AFF3: variants seen among roughly 807,000 people sequenced by gnomAD.
The protein encoded by AFF3 is AF4/FMR2 family member 3.
In AFF3, 32 loss-of-function variants were observed where a neutral mutation model predicts 129.7. The ratio of observed to expected loss-of-function variants is 0.25; its 90% CI spans 0.19 to 0.33. The LOEUF (loss-of-function observed/expected upper bound fraction) is 0.33, where lower values mean the gene tolerates loss of function less well. Among genes scored for constraint, AFF3 ranks in the 10% least tolerant of loss-of-function variants. The pLI is 1.00. For missense variants in AFF3, 1,373 were observed against 1,592.0 expected, an observed-to-expected ratio of 0.86 and a Z score of 2.34; for synonymous variants, 644 against 635.4, an observed-to-expected ratio of 1.01 and a Z score of -0.20.
intron 7 of AFF3, among the ~76,000 whole-genome samples, chr2:99,847,725 G>A (rs6756248): frequency 0.093 from 14,173 of 151,806 alleles, 802 homozygotes; most frequent in Middle Eastern, 0.17. Context: ...GCTTCAGAAC[G>A]TCTCAGCAGT....
intron 7 of AFF3, among the ~76,000 whole-genome samples, chr2:99,906,835 T>C (rs533629760): frequency 6.7e-6 from 1 of 149,262 alleles, no homozygotes; most frequent in East Asian, 1.9e-4. Context: ...TCAACCTACC[T>C]ATCCATATTA....
chr2:99,803,858 C>T (rs1232767954), intron 8 of AFF3, among the ~76,000 whole-genome samples: 1 of 152,080 alleles, frequency 6.6e-6, no homozygotes, highest in African/African-American at 2.4e-5. Flanking sequence ...ATAAATGGTG[C>T]TAGGAAAACT....
At chr2:99,692,854 T>C (rs1675815763) in intron 11 of AFF3, among the ~76,000 whole-genome samples, 1 of 152,256 alleles carries the variant, frequency 6.6e-6, no homozygotes, top group East Asian at 1.9e-4. Flanking sequence ...GACTTAGTCT[T>C]AAGCTGTATC....
At chr2:99,922,085 C>T (rs1239949473) in intron 7 of AFF3, among the ~76,000 whole-genome samples, 4 of 151,998 alleles carry the variant, frequency 2.6e-5, no homozygotes, top group African/African-American at 4.8e-5. Context: ...TATGGAGTAA[C>T]GATATGGAGT....
At chr2:99,966,711 A>G (rs1286209662) in intron 7 of AFF3, among the ~76,000 whole-genome samples, 22 of 148,964 alleles carry the variant, frequency 1.5e-4, no homozygotes, top group African/African-American at 5.1e-4. Flanking sequence ...AAAAAAAAAA[A>G]AAAAAAAAAA....
At chr2:99,701,420 C>T (rs1676852238) in intron 11 of AFF3, among the ~76,000 whole-genome samples, 1 of 152,148 alleles carries the variant, frequency 6.6e-6, no homozygotes, top group South Asian at 2.1e-4. Flanking sequence ...GTTTATTAGA[C>T]AGATTAAGAC....
intron 12 of AFF3, among the ~76,000 whole-genome samples, chr2:99,655,027 G>A (rs1359028272): frequency 6.6e-6 from 1 of 152,180 alleles, no homozygotes; most frequent in Non-Finnish European, 1.5e-5. Context: ...CTGAAATTCA[G>A]AGGGCTCTCA....
intron 4 of AFF3, among the ~76,000 whole-genome samples, chr2:100,080,846 T>C (rs1006127130): frequency 5.9e-5 from 9 of 152,068 alleles, no homozygotes; most frequent in Non-Finnish European, 1.0e-4. Flanking sequence ...GGGGTCTTTA[T>C]TGGGCTGGGA....
intron 11 of AFF3, among the ~76,000 whole-genome samples, chr2:99,710,102 T>C (rs570243949): frequency 1.3e-5 from 2 of 152,366 alleles, no homozygotes; most frequent in East Asian, 3.9e-4. Context: ...TGTTGTCTCC[T>C]TTCTGAGTTG....
intron 12 of AFF3, among the ~76,000 whole-genome samples, chr2:99,665,156 G>A (rs1413897455): frequency 1.3e-5 from 2 of 152,190 alleles, no homozygotes; most frequent in African/African-American, 2.4e-5. Flanking sequence ...GGGTAGTGTC[G>A]GCCATGCTGA....
Position 99,700,216 on chromosome 2 carries a change from G to A in AFF3, c.1091+26861C>T, listed in dbSNP as rs1182577972. On this transcript the variant is annotated intron_variant, in intron 11 of 24. Transcript: ENST00000672756. ...GCTCAATGCAACCTCCGCCTGCCGG[G>A]TTCATGCGATTCTCCTGCCTCAGCC... 2.0e-5 allele frequency among the ~76,000 whole-genome samples: 3 copies of A among 152,044 alleles called. No individual in the cohort carries two copies. The South Asian group carries it at 6.2e-4, about 31-fold the overall frequency.
At chr2:99,910,008 G>C (rs551663895) in intron 7 of AFF3, among the ~76,000 whole-genome samples, 1 of 152,180 alleles carries the variant, frequency 6.6e-6, no homozygotes, top group African/African-American at 2.4e-5. Flanking sequence ...AGGTAATAAA[G>C]TTAAAAAGAG....
At position 99,635,283 on chromosome 2, in the gene AFF3, TATC is replaced by T. The variant is rs550514798; in HGVS notation, c.1184+14340_1184+14342del. 5.5e-4 allele frequency among the ~76,000 whole-genome samples: 83 copies of T among 152,118 alleles called. No individual in the cohort carries two copies. In the South Asian group the frequency reaches 0.015, roughly 28 times the overall value. On this transcript the variant is annotated intron_variant, in intron 13 of 24. Transcript: ENST00000672756. ...GTATATGATATATATCATATATACA[TATC>T]ATACATATACACATATCATATATGT...
intron 13 of AFF3, among the ~76,000 whole-genome samples, chr2:99,605,598 T>C (rs1367405146): frequency 6.6e-6 from 1 of 152,056 alleles, no homozygotes; most frequent in Non-Finnish European, 1.5e-5. Flanking sequence ...GCTGCAGCAG[T>C]GAGGGTGGCA....
chr2:99,606,094 G>A (rs748653098), intron 13 of AFF3, among the ~76,000 whole-genome samples: 15 of 152,148 alleles, frequency 9.9e-5, no homozygotes, highest in Non-Finnish European at 2.2e-4. Context: ...AGCCTGGGCA[G>A]CATAGTGAAA....
chr2:100,057,320 CAAAAAAAA>C (rs57672976), intron 4 of AFF3, among the ~76,000 whole-genome samples: 3 of 55,072 alleles, frequency 5.4e-5, no homozygotes, highest in Middle Eastern at 0.012. Flanking sequence ...GACTCTGTCT[CAAAAAAAA>C]AAAAAAAAAA....
At chr2:99,706,779 TGA>T (rs1677437760) in intron 11 of AFF3, among the ~76,000 whole-genome samples, 1 of 152,198 alleles carries the variant, frequency 6.6e-6, no homozygotes, top group Admixed American at 6.5e-5. Context: ...ACTACAGAAA[TGA>T]GAGTCTCGCA....
At chr2:99,628,658 G>C (rs531918124) in intron 13 of AFF3, among the ~76,000 whole-genome samples, 1 of 150,920 alleles carries the variant, frequency 6.6e-6, no homozygotes, top group African/African-American at 2.4e-5. Context: ...CTGGGTTCCA[G>C]AGATTCTCCT....
At chr2:99,814,033 A>C (rs1423578832) in intron 8 of AFF3, among the ~76,000 whole-genome samples, 2 of 152,140 alleles carry the variant, frequency 1.3e-5, no homozygotes, top group African/African-American at 2.4e-5. Context: ...GGGGTCCAAG[A>C]AGAGTGTTAT....
Sources: allele counts gnomAD v4.1 joint callset (sites outside exome capture counted in the v4.1 genomes callset), GRCh38; gene constraint gnomAD v4.1.1; transcripts MANE v1.5; gene names NCBI Gene and HGNC (gene_info 2026-07-23, HGNC 2026-07-21).